INTU: variants seen among roughly 807,000 people sequenced by gnomAD.
INTU encodes the protein protein inturned.
In INTU, 68 loss-of-function variants were observed where a neutral mutation model predicts 100.5. The observed-to-expected ratio is 0.68, with a 90% CI of 0.56 to 0.83. The LOEUF is 0.83. INTU is among the 40% of genes least tolerant of loss of function. The pLI, the probability that INTU is intolerant of heterozygous loss-of-function variation, is 0.00. For synonymous variants in INTU, 357 were observed against 395.7 expected (o/e 0.90, Z 1.16); for missense variants, 1,071 against 1,114.7 (o/e 0.96, Z 0.56).
intron 1 of INTU, among the ~76,000 whole-genome samples, chr4:127,642,540 A>T (rs1331509399): frequency 1.3e-5 from 2 of 152,188 alleles, no homozygotes; most frequent in African/African-American, 4.8e-5. Context: ...AATGTCTTCT[A>T]TCTGATTTAA....
chr4:127,677,416 G>A (rs1029737791), intron 6 of INTU, among the ~76,000 whole-genome samples: 28 of 150,770 alleles, frequency 1.9e-4, no homozygotes, highest in Middle Eastern at 3.4e-3. Context: ...CCAGAGGAAC[G>A]ATCAGACAGC....
intron 8 of INTU, among the ~76,000 whole-genome samples, chr4:127,696,523 T>A (rs1462234445): frequency 6.6e-6 from 1 of 151,860 alleles, no homozygotes; most frequent in East Asian, 1.9e-4. Flanking sequence ...CCTGTACTAA[T>A]GCCCCCCCCC....
At chr4:127,653,639 C>G (rs2126189082) in intron 2 of INTU, among the ~76,000 whole-genome samples, 1 of 151,406 alleles carries the variant, frequency 6.6e-6, no homozygotes, top group Non-Finnish European at 1.5e-5. Context: ...GCTTTACTTC[C>G]AACTATGTGG....
At chr4:127,660,062 A>T (rs1398670687) in intron 3 of INTU, among the ~76,000 whole-genome samples, 1 of 152,208 alleles carries the variant, frequency 6.6e-6, no homozygotes, top group Non-Finnish European at 1.5e-5. Flanking sequence ...CATTTTAGGA[A>T]TATATCACTC....
At chr4:127,666,512 C>T (rs1342373896) in intron 4 of INTU, among the ~76,000 whole-genome samples, 2 of 152,150 alleles carry the variant, frequency 1.3e-5, no homozygotes, top group African/African-American at 2.4e-5. Flanking sequence ...AGGCTCAGCT[C>T]ACCTACCTTG....
At chr4:127,697,559 G>A (rs983961189) in intron 8 of INTU, among the ~76,000 whole-genome samples, 2 of 152,038 alleles carry the variant, frequency 1.3e-5, no homozygotes, top group Admixed American at 1.3e-4. Flanking sequence ...AGATCATGTG[G>A]TAGTTGTCTT....
At chr4:127,709,711 TCACACA>T (rs3066389) in intron 13 of INTU, among the ~76,000 whole-genome samples, 33 of 143,390 alleles carry the variant, frequency 2.3e-4, no homozygotes, top group East Asian at 1.9e-3. Context: ...CTAATAGAAT[TCACACA>T]CACACACACA....
intron 8 of INTU, among the ~76,000 whole-genome samples, chr4:127,690,506 A>G (rs1459375709): frequency 6.6e-6 from 1 of 152,210 alleles, no homozygotes; most frequent in Non-Finnish European, 1.5e-5. Flanking sequence ...GGTGAAATTA[A>G]TACACAGGAA....
intron 6 of INTU, among the ~76,000 whole-genome samples, chr4:127,681,139 G>T (rs1171628550): frequency 1.3e-5 from 2 of 152,088 alleles, no homozygotes; most frequent in African/African-American, 2.4e-5. Flanking sequence ...CATGCTCATG[G>T]GTAGGAAAAA....
chr4:127,714,151 G>A, intron 15 of INTU, 58 bp downstream of exon 15: 2 of 1,392,572 alleles, frequency 1.4e-6, no homozygotes, highest in South Asian at 2.6e-5. Context: ...AAGAAAAGTG[G>A]TAAAGGAGAT....
intron 3 of INTU, 78 bp from the exon 4 acceptor site, chr4:127,663,303 T>C (rs1728552278): frequency 8.8e-6 from 9 of 1,028,110 alleles, no homozygotes; most frequent in East Asian, 7.7e-5. Flanking sequence ...TGTATGTACA[T>C]GCACAGATCC....
intron 8 of INTU, among the ~76,000 whole-genome samples, chr4:127,697,723 A>G (rs1276621129): frequency 6.6e-6 from 1 of 152,188 alleles, no homozygotes; most frequent in African/African-American, 2.4e-5. Flanking sequence ...ATGAACACTT[A>G]GGTTGATTCC....
chr4:127,655,385 G>T (rs1208034424), intron 2 of INTU, among the ~76,000 whole-genome samples: 1 of 151,042 alleles, frequency 6.6e-6, no homozygotes, highest in Admixed American at 6.6e-5. Flanking sequence ...TGATGGTGAT[G>T]TACAGATGGG....
At chr4:127,663,292 G>A (rs1728551519) in intron 3 of INTU, 89 bp from the exon 4 acceptor site, 1 of 846,734 alleles carries the variant, frequency 1.2e-6, no homozygotes, top group African/African-American at 1.7e-5. Flanking sequence ...ACATACCTGG[G>A]TGTATGTACA....
At chr4:127,648,963 T>A (rs1727708777) in intron 2 of INTU, among the ~76,000 whole-genome samples, 1 of 152,184 alleles carries the variant, frequency 6.6e-6, no homozygotes, top group Non-Finnish European at 1.5e-5. Flanking sequence ...AACTCCCATC[T>A]GAGTTGTATC....
Position 127,706,783 on chromosome 4 carries a change from G to A in INTU, c.2085G>A (p.Thr695=), listed in dbSNP as rs548278763. Residue 695 remains threonine, a synonymous_variant, in exon 12 of 16, where the codon ACG becomes ACA. Transcript: ENST00000335251. ...CAACTTCTCCAACATGCAGAAGAAC[G>A]CTTTTTGGTGACTATTCCTTAAAGA... ...KVATSPTCRR[T]LFGDYSLKTR... is the part of the protein sequence containing the mutation. The A allele has an allele frequency of 1.9e-4, 301 of 1,614,112 alleles. 7 individuals are homozygous for A. The South Asian group carries it at 2.5e-3, about 13-fold the overall frequency.
At chr4:127,654,621 G>A (rs932426219) in intron 2 of INTU, among the ~76,000 whole-genome samples, 1 of 151,604 alleles carries the variant, frequency 6.6e-6, no homozygotes, top group Non-Finnish European at 1.5e-5. Context: ...TCCCTTTGAG[G>A]GTAACCCGAC....
chr4:127,710,948 A>G lies in INTU; in HGVS notation c.2405A>G (p.Tyr802Cys). The G allele has an allele frequency of 6.6e-7, 1 of 1,525,814 alleles. No homozygotes were observed. Among genetic ancestry groups the G allele is most frequent in the Non-Finnish European group, 8.9e-7 (1 of 1,122,292 alleles). 94.5% of individuals were successfully genotyped at this position (1,525,814 alleles called of 1,614,324 possible). A position where few individuals can be genotyped will look rare whatever the true frequency, so the allele number is the denominator to read the frequency against. The change falls in exon 14 of 16, where the codon TAC becomes TGC. Residue 802 changes from tyrosine to cysteine, a missense_variant. Transcript: ENST00000335251. ...GGTCCTGAGAACACACTTTTCCACT[A>G]CGTTGCCTTAGAAACAGTGCAAGGA... ...TSGPENTLFH[Y>C]VALETVQGIF... is the part of the protein sequence containing the mutation.
intron 2 of INTU, among the ~76,000 whole-genome samples, chr4:127,655,206 G>A (rs1728127351): frequency 1.3e-5 from 2 of 151,826 alleles, no homozygotes; most frequent in South Asian, 2.1e-4. Context: ...ATCGTCTGAA[G>A]CCTTCTTCTC....
Sources: gnomAD v4.1 joint callset for allele counts (sites outside exome capture counted in the v4.1 genomes callset) on GRCh38, gnomAD v4.1.1 for gene constraint, MANE v1.5 for transcripts, NCBI Gene and HGNC (gene_info 2026-07-23, HGNC 2026-07-21) for gene names.